Variants in PPM1L observed in about 807,000 individuals in gnomAD.
PPM1L encodes the protein protein phosphatase 1L.
Under a neutral mutation model 31.4 loss-of-function variants are expected in PPM1L, and 13 were observed. The observed-to-expected ratio is 0.41, with a 90% CI of 0.27 to 0.66. PPM1L has a LOEUF of 0.66. Ranked by LOEUF, PPM1L falls within the 30% of genes least tolerant of loss-of-function variation. PPM1L has a pLI of 0.29. For missense variants in PPM1L, 326 were observed against 453.7 expected (o/e 0.72, Z 2.56); for synonymous variants, 184 against 175.4 (o/e 1.05, Z -0.39).
chr3:161,002,248 T>C (rs1329048778), intron 2 of PPM1L, among the ~76,000 whole-genome samples: 4 of 152,170 alleles, frequency 2.6e-5, no homozygotes, highest in Non-Finnish European at 5.9e-5. Flanking sequence ...TGTTGGACAT[T>C]TGGGTTGGTT....
At chr3:160,854,529 G>A (rs936604023) in intron 1 of PPM1L, among the ~76,000 whole-genome samples, 1 of 151,986 alleles carries the variant, frequency 6.6e-6, no homozygotes, top group Non-Finnish European at 1.5e-5. Context: ...AAAATCGGTA[G>A]CATTTCTATA....
chr3:160,980,001 A>G (rs1449686342), intron 2 of PPM1L, among the ~76,000 whole-genome samples: 1 of 152,066 alleles, frequency 6.6e-6, no homozygotes, highest in Middle Eastern at 3.2e-3. Context: ...GGCTTCTACC[A>G]TAGGTGCTTG....
At chr3:161,049,087 A>G (rs1719181228) in intron 2 of PPM1L, among the ~76,000 whole-genome samples, 1 of 151,848 alleles carries the variant, frequency 6.6e-6, no homozygotes, top group Non-Finnish European at 1.5e-5. Flanking sequence ...TAAAAAAAAA[A>G]AAAACCACGG....
chr3:161,064,918 C>T (rs764250023), intron 2 of PPM1L, among the ~76,000 whole-genome samples: 2 of 152,012 alleles, frequency 1.3e-5, no homozygotes, highest in Non-Finnish European at 2.9e-5. Flanking sequence ...TCAACCTGTC[C>T]TGACATCAGC....
At chr3:161,034,732 TA>T (rs1718691244) in intron 2 of PPM1L, among the ~76,000 whole-genome samples, 2 of 149,768 alleles carry the variant, frequency 1.3e-5, no homozygotes, top group African/African-American at 4.9e-5. Context: ...GGGATAGCAT[TA>T]GGAGAAATAT....
intron 2 of PPM1L, among the ~76,000 whole-genome samples, chr3:160,985,186 A>C (rs190130336): frequency 2.2e-3 from 333 of 152,250 alleles, no homozygotes; most frequent in Non-Finnish European, 3.0e-3. Flanking sequence ...TTTTAATTTC[A>C]ATAGGATTTT....
At chr3:161,047,349 G>C (rs1318830347) in intron 2 of PPM1L, among the ~76,000 whole-genome samples, 3 of 152,086 alleles carry the variant, frequency 2.0e-5, no homozygotes, top group Admixed American at 2.0e-4. Flanking sequence ...GCTTCAAAGA[G>C]AATAAAATAC....
intron 1 of PPM1L, among the ~76,000 whole-genome samples, chr3:160,808,442 G>A (rs140896696): frequency 0.018 from 2,581 of 141,204 alleles, 188 homozygotes; most frequent in African/African-American, 0.07. Flanking sequence ...GGGAAGCTGG[G>A]CTTCATAAGA....
At chr3:160,799,827 A>T (rs1412203503) in intron 1 of PPM1L, among the ~76,000 whole-genome samples, 1 of 151,970 alleles carries the variant, frequency 6.6e-6, no homozygotes, top group Non-Finnish European at 1.5e-5. Flanking sequence ...CTATTTTCTG[A>T]TACTTCCCAA....
At position 160,892,946 on chromosome 3, in the gene PPM1L, T is replaced by C. The variant is rs148636284; in HGVS notation, c.400-68790T>C. Among the ~76,000 whole-genome samples the C allele has an allele frequency of 1.1e-3, 173 of 152,318 alleles. 1 individual carries two copies. The Middle Eastern group carries it at 0.031, about 27-fold the overall frequency. On this transcript the variant is annotated intron_variant, in intron 1 of 3. Transcript: ENST00000498165. ...GATTTCTGTTTCTAATGTAGGTGTT[T>C]GATATTTTAACAAAGATCCCTATGT... is the stretch of plus-strand genomic sequence containing the variant.
At chr3:160,796,785 G>T (rs6768524) in intron 1 of PPM1L, among the ~76,000 whole-genome samples, 2 of 152,102 alleles carry the variant, frequency 1.3e-5, no homozygotes, top group African/African-American at 2.4e-5. Context: ...TAGGGTAAGA[G>T]TATGGAATAA....
chr3:160,784,233 A>G (rs1711834233), intron 1 of PPM1L, among the ~76,000 whole-genome samples: 1 of 152,208 alleles, frequency 6.6e-6, no homozygotes, highest in African/African-American at 2.4e-5. Context: ...CTGTTTCACT[A>G]TATGTGTATA....
At chr3:161,003,419 T>C (rs1717579034) in intron 2 of PPM1L, among the ~76,000 whole-genome samples, 1 of 151,886 alleles carries the variant, frequency 6.6e-6, no homozygotes, top group African/African-American at 2.4e-5. Flanking sequence ...AATCTATAAA[T>C]TACCTTGGGC....
At chr3:160,959,939 G>A (rs917933829) in intron 1 of PPM1L, among the ~76,000 whole-genome samples, 15 of 152,046 alleles carry the variant, frequency 9.9e-5, no homozygotes, top group Non-Finnish European at 2.2e-4. Flanking sequence ...ATATATATAT[G>A]TGTTGCTTAA....
At chr3:160,949,130 C>T (rs1399737840) in intron 1 of PPM1L, among the ~76,000 whole-genome samples, 1 of 152,090 alleles carries the variant, frequency 6.6e-6, no homozygotes, top group Non-Finnish European at 1.5e-5. Flanking sequence ...GGAATACCAG[C>T]CATGAAGAAA....
chr3:160,786,211 T>A lies in PPM1L; in HGVS notation c.399+29504T>A, dbSNP rs1226192767. 8.0e-3 allele frequency among the ~76,000 whole-genome samples: 327 copies of A among 40,774 alleles called. 1 individual carries two copies. Among genetic ancestry groups the A allele is most frequent in the African/African-American group, 0.064 (241 of 3,788 alleles). The allele number at this position is 40,774 out of a possible 152,430, so 26.7% of individuals were successfully genotyped here. On this transcript the variant is annotated intron_variant, in intron 1 of 3. Coordinates refer to ENST00000498165, the MANE Select transcript of PPM1L (RefSeq NM_139245.4). The stretch of plus-strand genomic sequence containing the variant: ...TGTATATATATATATATATATATTT[T>A]TTTTTTTTTTTTTTTTTTTTTTTTA...
intron 2 of PPM1L, among the ~76,000 whole-genome samples, chr3:160,977,526 T>C (rs1716635549): frequency 6.6e-6 from 1 of 152,230 alleles, no homozygotes; most frequent in African/African-American, 2.4e-5. Flanking sequence ...ACACCTGTAC[T>C]TAACTGACTT....
At chr3:160,830,333 C>T (rs531893979) in intron 1 of PPM1L, among the ~76,000 whole-genome samples, 7 of 152,026 alleles carry the variant, frequency 4.6e-5, no homozygotes, top group Non-Finnish European at 8.8e-5. Context: ...TCTAGTACTA[C>T]ATCAGAAAGA....
At chr3:161,062,916 G>T (rs941012623) in intron 2 of PPM1L, among the ~76,000 whole-genome samples, 3 of 151,654 alleles carry the variant, frequency 2.0e-5, no homozygotes, top group African/African-American at 7.3e-5. Context: ...GTGTCAACCA[G>T]CCTAACTGCA....
Sources: gnomAD v4.1 joint callset for allele counts (sites outside exome capture counted in the v4.1 genomes callset) on GRCh38, gnomAD v4.1.1 for gene constraint, MANE v1.5 for transcripts, NCBI Gene and HGNC (gene_info 2026-07-23, HGNC 2026-07-21) for gene names.